The following EBF1 variants were observed in gnomAD, a reference collection of about 807,000 sequenced individuals.
EBF1 encodes the protein EBF transcription factor 1.
Under a neutral mutation model 68.4 loss-of-function variants are expected in EBF1, and 10 were observed. The ratio of observed to expected loss-of-function variants is 0.15; its 90% CI spans 0.09 to 0.25. The LOEUF (loss-of-function observed/expected upper bound fraction) is 0.25. EBF1 is among the 10% of genes least tolerant of loss of function. The pLI is 1.00. For synonymous variants in EBF1, 298 were observed against 299.8 expected (o/e 0.99, Z 0.06); for missense variants, 509 against 794.4 (o/e 0.64, Z 4.32).
intron 6 of EBF1, among the ~76,000 whole-genome samples, chr5:158,934,125 G>C (rs940159249): frequency 6.6e-6 from 1 of 152,132 alleles, no homozygotes; most frequent in Non-Finnish European, 1.5e-5. Context: ...TGTGTGTGTT[G>C]GGTGTAGGAG....
intron 10 of EBF1, among the ~76,000 whole-genome samples, chr5:158,764,822 A>G (rs1425342684): frequency 6.6e-6 from 1 of 152,192 alleles, no homozygotes; most frequent in Non-Finnish European, 1.5e-5. Flanking sequence ...GGTATAATCA[A>G]CTAGTTGGAG....
At chr5:159,060,451 C>T (rs190420999) in intron 6 of EBF1, among the ~76,000 whole-genome samples, 4 of 152,222 alleles carry the variant, frequency 2.6e-5, no homozygotes, top group Admixed American at 6.5e-5. Context: ...TTCTTCAATT[C>T]CTGATTGAAT....
At chr5:158,793,567 T>C (rs1218667756) in intron 9 of EBF1, among the ~76,000 whole-genome samples, 1 of 152,160 alleles carries the variant, frequency 6.6e-6, no homozygotes, top group Non-Finnish European at 1.5e-5. Flanking sequence ...GACTTTTCCT[T>C]CCTTTATAAA....
intron 6 of EBF1, among the ~76,000 whole-genome samples, chr5:158,988,612 G>A (rs1478654824): frequency 6.6e-6 from 1 of 152,202 alleles, no homozygotes; most frequent in Non-Finnish European, 1.5e-5. Flanking sequence ...GAAGGGAGGA[G>A]TTGAGGGGAT....
chr5:159,013,785 T>C (rs1435635339), intron 6 of EBF1, among the ~76,000 whole-genome samples: 2 of 152,112 alleles, frequency 1.3e-5, no homozygotes, highest in African/African-American at 2.4e-5. Context: ...ACACTCTCTG[T>C]CCCATGCACA....
At chr5:158,888,634 C>G (rs1800518657) in intron 6 of EBF1, among the ~76,000 whole-genome samples, 1 of 152,110 alleles carries the variant, frequency 6.6e-6, no homozygotes, top group South Asian at 2.1e-4. Context: ...GACCATGGAA[C>G]TGGTACTGAT....
At chr5:159,006,647 TAAAAAAAAAAAAAAAAA>T (rs36045942) in intron 6 of EBF1, among the ~76,000 whole-genome samples, 1 of 56,226 alleles carries the variant, frequency 1.8e-5, no homozygotes, top group Non-Finnish European at 3.0e-5. Flanking sequence ...ATAGCCATGT[TAAAAAAAAAAAAAAAAA>T]AAAAAAAAAA....
chr5:159,034,838 C>G (rs1769700111), intron 6 of EBF1, among the ~76,000 whole-genome samples: 1 of 152,258 alleles, frequency 6.6e-6, no homozygotes, highest in African/African-American at 2.4e-5. Context: ...AAACCAAGAG[C>G]AAGGCACAAG....
chr5:158,981,033 T>C (rs780449325), intron 6 of EBF1, among the ~76,000 whole-genome samples: 1 of 152,100 alleles, frequency 6.6e-6, no homozygotes, highest in African/African-American at 2.4e-5. Flanking sequence ...GAACATAAAA[T>C]CTTAGTTGGG....
At chr5:158,880,923 T>C (rs1798783667) in intron 6 of EBF1, among the ~76,000 whole-genome samples, 2 of 152,176 alleles carry the variant, frequency 1.3e-5, no homozygotes, top group Admixed American at 6.6e-5. Flanking sequence ...CAGGAGGTTA[T>C]TGATTAAAAT....
At chr5:158,998,623 G>T (rs189028183) in intron 6 of EBF1, among the ~76,000 whole-genome samples, 5 of 152,188 alleles carry the variant, frequency 3.3e-5, no homozygotes, top group African/African-American at 1.2e-4. Context: ...CCCACCTACC[G>T]CCCTTATTGT....
At chr5:158,762,101 C>A (rs908727556) in intron 10 of EBF1, among the ~76,000 whole-genome samples, 25 of 152,088 alleles carry the variant, frequency 1.6e-4, no homozygotes, top group Admixed American at 1.0e-3. Context: ...ATACCTCAAC[C>A]CCCATTTACA....
intron 6 of EBF1, among the ~76,000 whole-genome samples, chr5:159,062,351 G>A (rs1776014153): frequency 1.3e-5 from 2 of 152,156 alleles, no homozygotes; most frequent in Admixed American, 1.3e-4. Flanking sequence ...AAGGACAGAA[G>A]GCAAGCTCCC....
intron 14 of EBF1, among the ~76,000 whole-genome samples, chr5:158,711,860 C>T (rs1181325555): frequency 1.3e-5 from 2 of 152,112 alleles, no homozygotes; most frequent in African/African-American, 4.8e-5. Context: ...GGAGTCAACC[C>T]GTCTTCATCT....
At chr5:158,861,198 T>C (rs1794901877) in intron 6 of EBF1, among the ~76,000 whole-genome samples, 1 of 150,726 alleles carries the variant, frequency 6.6e-6, no homozygotes, top group South Asian at 2.1e-4. Flanking sequence ...AAAGGCAGGC[T>C]AAAAAAAAAT....
intron 10 of EBF1, among the ~76,000 whole-genome samples, chr5:158,737,486 G>A (rs899788325): frequency 1.3e-5 from 2 of 151,600 alleles, no homozygotes; most frequent in African/African-American, 4.8e-5. Flanking sequence ...GGGTTTCACC[G>A]TGTTAGACAG....
intron 8 of EBF1, among the ~76,000 whole-genome samples, chr5:158,820,676 C>T (rs1233745699): frequency 6.6e-6 from 1 of 152,166 alleles, no homozygotes; most frequent in Non-Finnish European, 1.5e-5. Flanking sequence ...CAAGGATGGC[C>T]AACCACTTAC....
chr5:158,831,195 A>G (rs1787482376), intron 7 of EBF1, among the ~76,000 whole-genome samples: 1 of 152,130 alleles, frequency 6.6e-6, no homozygotes, highest in East Asian at 1.9e-4. Flanking sequence ...AATGAGACAA[A>G]CAGGATTGTC....
intron 11 of EBF1, among the ~76,000 whole-genome samples, chr5:158,721,215 T>G (rs907147302): frequency 6.6e-6 from 1 of 152,170 alleles, no homozygotes; most frequent in Admixed American, 6.6e-5. Context: ...TCAAACATAT[T>G]ATTATGAACC....
Sources: gnomAD v4.1 joint callset for allele counts (sites outside exome capture counted in the v4.1 genomes callset) on GRCh38, gnomAD v4.1.1 for gene constraint, MANE v1.5 for transcripts, NCBI Gene and HGNC (gene_info 2026-07-23, HGNC 2026-07-21) for gene names.